Variants in PLXDC2 observed in about 807,000 individuals in gnomAD.
PLXDC2 encodes the protein plexin domain-containing protein 2.
PLXDC2 carries 40 observed loss-of-function variants against 68.9 expected under a neutral mutation model. The observed-to-expected ratio is 0.58, with a 90% CI of 0.45 to 0.76. The LOEUF is 0.76. Among genes scored for constraint, PLXDC2 ranks in the 30% least tolerant of loss-of-function variants. The pLI, the probability that PLXDC2 is intolerant of heterozygous loss-of-function variation, is 0.00. For missense variants in PLXDC2, 644 were observed against 661.9 expected, an observed-to-expected ratio of 0.97 and a Z score of 0.30; for synonymous variants, 243 against 234.2, an observed-to-expected ratio of 1.04 and a Z score of -0.34.
At chr10:19,860,352 T>C (rs1039791304) in intron 1 of PLXDC2, among the ~76,000 whole-genome samples, 1 of 152,186 alleles carries the variant, frequency 6.6e-6, no homozygotes, top group Non-Finnish European at 1.5e-5. Context: ...GTACTAAGAT[T>C]TTCCAGCAGC....
chr10:20,048,130 A>G (rs1488058192), intron 3 of PLXDC2, among the ~76,000 whole-genome samples: 2 of 152,166 alleles, frequency 1.3e-5, no homozygotes, highest in Admixed American at 1.3e-4. Flanking sequence ...AATAGAGTCA[A>G]TGGCTGAAGT....
chr10:19,900,746 C>A (rs1838144518), intron 1 of PLXDC2, among the ~76,000 whole-genome samples: 1 of 151,808 alleles, frequency 6.6e-6, no homozygotes, highest in South Asian at 2.1e-4. Context: ...AGGTTTTTAT[C>A]TCTCACCCCC....
At chr10:20,156,350 G>A (rs192484000) in intron 6 of PLXDC2, among the ~76,000 whole-genome samples, 78 of 152,210 alleles carry the variant, frequency 5.1e-4, no homozygotes, top group Non-Finnish European at 9.1e-4. Flanking sequence ...AAGTGTACAC[G>A]TTTGTAAAAC....
At chr10:20,164,594 G>T (rs368384793) in intron 7 of PLXDC2, 27 bp downstream of exon 7, 23 of 1,542,026 alleles carry the variant, frequency 1.5e-5, no homozygotes, top group Non-Finnish European at 1.9e-5. Context: ...CAGTCGCAAT[G>T]AGTGAGCCTC....
intron 2 of PLXDC2, among the ~76,000 whole-genome samples, chr10:20,011,678 C>A (rs1835117704): frequency 6.6e-6 from 1 of 152,116 alleles, no homozygotes; most frequent in Non-Finnish European, 1.5e-5. Flanking sequence ...TTTTCAGAAT[C>A]ACAAATGGAA....
At chr10:20,217,637 G>GA in intron 11 of PLXDC2, 61 bp downstream of exon 11, 1 of 1,424,566 alleles carries the variant, frequency 7.0e-7, no homozygotes, top group Non-Finnish European at 9.2e-7. Flanking sequence ...CTGAAGGAAG[G>GA]AAAAATCACT....
intron 1 of PLXDC2, among the ~76,000 whole-genome samples, chr10:19,869,388 C>T (rs1463225763): frequency 6.8e-6 from 1 of 148,096 alleles, no homozygotes; most frequent in Non-Finnish European, 1.5e-5. Flanking sequence ...GCTGCCACTG[C>T]ACTCCAGCCT....
chr10:20,234,818 C>T (rs993268323), intron 12 of PLXDC2, among the ~76,000 whole-genome samples: 2 of 152,086 alleles, frequency 1.3e-5, no homozygotes, highest in Non-Finnish European at 2.9e-5. Context: ...TTGTTGAGAA[C>T]ATCAGTGTCT....
intron 1 of PLXDC2, among the ~76,000 whole-genome samples, chr10:19,871,997 AGAACCTGGATGG>A (rs1837547667): frequency 6.6e-6 from 1 of 152,126 alleles, no homozygotes; most frequent in Non-Finnish European, 1.5e-5. Flanking sequence ...TTATCTTTCC[AGAACCTGGATGG>A]GTACCTGGCA....
intron 9 of PLXDC2, among the ~76,000 whole-genome samples, chr10:20,208,160 T>C (rs1293450570): frequency 1.7e-5 from 2 of 116,504 alleles, no homozygotes; most frequent in African/African-American, 6.5e-5. Flanking sequence ...ATATTATATA[T>C]AGATATATTG....
At chr10:20,073,764 G>GT (rs1322839244) in intron 4 of PLXDC2, among the ~76,000 whole-genome samples, 2 of 152,114 alleles carry the variant, frequency 1.3e-5, no homozygotes, top group South Asian at 2.1e-4. Context: ...ACCAAGATGT[G>GT]TTTTTTGCAT....
intron 1 of PLXDC2, among the ~76,000 whole-genome samples, chr10:19,930,830 G>T (rs1004596618): frequency 3.9e-5 from 6 of 152,054 alleles, no homozygotes; most frequent in Non-Finnish European, 1.5e-5. Flanking sequence ...AGGCCTGGTT[G>T]CAGGTGCTTG....
intron 7 of PLXDC2, among the ~76,000 whole-genome samples, chr10:20,176,029 T>C (rs1229476291): frequency 6.6e-6 from 1 of 152,080 alleles, no homozygotes. Context: ...AAATGTTTTG[T>C]TGTGGTTTGA....
At chr10:20,203,774 T>C (rs1834953124) in intron 9 of PLXDC2, among the ~76,000 whole-genome samples, 1 of 152,202 alleles carries the variant, frequency 6.6e-6, no homozygotes, top group African/African-American at 2.4e-5. Context: ...CTCTGCAAGA[T>C]GCCACGTGTA....
At chr10:20,054,225 G>T (rs1835954673) in intron 3 of PLXDC2, among the ~76,000 whole-genome samples, 1 of 151,974 alleles carries the variant, frequency 6.6e-6, no homozygotes, top group Non-Finnish European at 1.5e-5. Flanking sequence ...GGGTCAGGAT[G>T]ATTAGATAGC....
At chr10:19,879,441 G>T (rs1344632209) in intron 1 of PLXDC2, among the ~76,000 whole-genome samples, 1 of 152,110 alleles carries the variant, frequency 6.6e-6, no homozygotes, top group African/African-American at 2.4e-5. Flanking sequence ...ATCTCTATGT[G>T]TGACGGTGCA....
intron 1 of PLXDC2, among the ~76,000 whole-genome samples, chr10:19,874,769 G>C (rs1318094569): frequency 6.6e-6 from 1 of 152,194 alleles, no homozygotes; most frequent in Non-Finnish European, 1.5e-5. Context: ...GAGGCAGAAA[G>C]CATTTCAGTT....
intron 9 of PLXDC2, among the ~76,000 whole-genome samples, chr10:20,200,200 A>G (rs1247881347): frequency 6.6e-6 from 1 of 151,976 alleles, no homozygotes; most frequent in Non-Finnish European, 1.5e-5. Context: ...TTTGACAGGG[A>G]TTTAATGCTC....
intron 11 of PLXDC2, among the ~76,000 whole-genome samples, chr10:20,217,823 C>T (rs1442911163): frequency 1.3e-5 from 2 of 151,638 alleles, no homozygotes; most frequent in African/African-American, 4.8e-5. Flanking sequence ...TAGCTTTTAC[C>T]ATTGATTCTG....
Sources: allele counts gnomAD v4.1 joint callset (sites outside exome capture counted in the v4.1 genomes callset), GRCh38; gene constraint gnomAD v4.1.1; transcripts MANE v1.5; gene names NCBI Gene and HGNC (gene_info 2026-07-23, HGNC 2026-07-21).